Variants in LRRC3B observed in about 807,000 individuals in gnomAD.
LRRC3B encodes leucine-rich repeat-containing protein 3B.
A neutral mutation model predicts 12.8 loss-of-function variants in LRRC3B; 2 were observed. The observed-to-expected ratio is 0.16, with a 90% confidence interval of 0.06 to 0.49. The LOEUF (loss-of-function observed/expected upper bound fraction) is 0.49. Among genes scored for constraint, LRRC3B ranks in the 20% least tolerant of loss-of-function variants. The pLI is 0.96. For missense variants in LRRC3B, 189 were observed against 319.4 expected (o/e 0.59, Z 3.11); for synonymous variants, 132 against 122.0 (o/e 1.08, Z -0.54).
At chr3:26,645,261 G>A (rs944471508) in intron 1 of LRRC3B, among the ~76,000 whole-genome samples, 3 of 152,130 alleles carry the variant, frequency 2.0e-5, no homozygotes, top group Admixed American at 2.0e-4. Flanking sequence ...AATTTTTTGA[G>A]CCTACTAAAG....
chr3:26,641,798 T>G (rs1322863738), intron 1 of LRRC3B, among the ~76,000 whole-genome samples: 1 of 152,124 alleles, frequency 6.6e-6, no homozygotes, highest in African/African-American at 2.4e-5. Context: ...TTTTAAAAAA[T>G]TAAAAAATGT....
intron 1 of LRRC3B, among the ~76,000 whole-genome samples, chr3:26,688,729 A>G (rs538723734): frequency 4.6e-5 from 7 of 151,924 alleles, no homozygotes; most frequent in Non-Finnish European, 1.0e-4. Flanking sequence ...TGTTCCAATC[A>G]CCTCCCACCA....
At chr3:26,688,982 A>G (rs1700139617) in intron 1 of LRRC3B, among the ~76,000 whole-genome samples, 1 of 152,208 alleles carries the variant, frequency 6.6e-6, no homozygotes, top group Non-Finnish European at 1.5e-5. Flanking sequence ...GAGAAGAATC[A>G]GCTTTTAACG....
At chr3:26,625,920 G>T (rs1458885847) in intron 1 of LRRC3B, among the ~76,000 whole-genome samples, 1 of 152,182 alleles carries the variant, frequency 6.6e-6, no homozygotes, top group Non-Finnish European at 1.5e-5. Flanking sequence ...CAAGTTATTT[G>T]CTTATTGACA....
chr3:26,699,991 A>G (rs1016154438), intron 1 of LRRC3B, among the ~76,000 whole-genome samples: 1 of 152,176 alleles, frequency 6.6e-6, no homozygotes, highest in Non-Finnish European at 1.5e-5. Flanking sequence ...ATTCATTGGT[A>G]GGAAGAACTT....
chr3:26,637,113 T>C, intron 1 of LRRC3B, among the ~76,000 whole-genome samples: 1 of 151,162 alleles, frequency 6.6e-6, no homozygotes, highest in East Asian at 2.0e-4. Flanking sequence ...CCTCCTGCCT[T>C]AGCCTCCAGA....
chr3:26,707,044 C>G (rs191940261), intron 1 of LRRC3B, among the ~76,000 whole-genome samples: 2 of 152,060 alleles, frequency 1.3e-5, no homozygotes, highest in Admixed American at 6.6e-5. Context: ...TAAAAAGCAT[C>G]GAACTTTTAC....
At chr3:26,703,590 G>C (rs1405231695) in intron 1 of LRRC3B, among the ~76,000 whole-genome samples, 1 of 151,896 alleles carries the variant, frequency 6.6e-6, no homozygotes, top group Non-Finnish European at 1.5e-5. Flanking sequence ...CGTGTTCTTT[G>C]GTTGGTCCTA....
intron 1 of LRRC3B, among the ~76,000 whole-genome samples, chr3:26,671,865 C>G (rs371414219): frequency 6.6e-6 from 1 of 152,126 alleles, no homozygotes; most frequent in Non-Finnish European, 1.5e-5. Flanking sequence ...CATTTGCAAA[C>G]TTGAGGTTGC....
chr3:26,651,520 ATTTAC>A (rs1157619425), intron 1 of LRRC3B, among the ~76,000 whole-genome samples: 1 of 152,148 alleles, frequency 6.6e-6, no homozygotes, highest in Non-Finnish European at 1.5e-5. Context: ...TGGTCAGAAA[ATTTAC>A]TTTATCAATG....
exon 1 of LRRC3B, chr3:26,622,925 G>A (rs1353245225): frequency 1.3e-5 from 2 of 152,050 alleles, no homozygotes; most frequent in African/African-American, 4.8e-5. Context: ...CCGCAGCAAC[G>A]CGAGCCAAGT....
chr3:26,699,506 C>G (rs1267847891), intron 1 of LRRC3B, among the ~76,000 whole-genome samples: 1 of 152,054 alleles, frequency 6.6e-6, no homozygotes, highest in African/African-American at 2.4e-5. Context: ...GGATCTCAAT[C>G]CTGTGTTTTT....
intron 1 of LRRC3B, among the ~76,000 whole-genome samples, chr3:26,680,239 AC>A (rs1240923070): frequency 1.5e-4 from 22 of 151,710 alleles, no homozygotes; most frequent in Admixed American, 1.4e-3. Context: ...CCACCTCTCC[AC>A]CCCCACTTCC....
In LRRC3B at chr3:26,658,813, C is replaced by T. The variant is rs180915605; in HGVS notation, c.-161+35576C>T. Among the ~76,000 whole-genome samples, 36 of 152,338 alleles carry T rather than the reference C, an allele frequency of 2.4e-4. No homozygotes were observed. In the East Asian group the frequency reaches 6.4e-3, roughly 27 times the overall value. On this transcript the variant is annotated intron_variant, in intron 1 of 1. Transcript: ENST00000396641. ...GGCAGCTTCAAGTCTAAGATTGCATCTACACTGACAATAAACAAGGAAATA... is the reference window on the plus strand; with the variant it reads ...GGCAGCTTCAAGTCTAAGATTGCATTTACACTGACAATAAACAAGGAAATA...
intron 1 of LRRC3B, among the ~76,000 whole-genome samples, chr3:26,662,171 T>A (rs1396519225): frequency 6.6e-6 from 1 of 152,214 alleles, no homozygotes; most frequent in African/African-American, 2.4e-5. Context: ...TTTTTCTGGC[T>A]ATTAATGCTA....
intron 1 of LRRC3B, among the ~76,000 whole-genome samples, chr3:26,642,300 G>T (rs954919679): frequency 1.3e-5 from 2 of 152,198 alleles, no homozygotes; most frequent in Admixed American, 1.3e-4. Flanking sequence ...ACTTCCTGGA[G>T]TCCCTGGACC....
intron 1 of LRRC3B, among the ~76,000 whole-genome samples, chr3:26,699,017 CTG>C: frequency 1.3e-5 from 2 of 151,918 alleles, no homozygotes. Flanking sequence ...GTTCTAAAGC[CTG>C]TGTTTTATTG....
rs187497813 is a variant in LRRC3B, at chr3:26,657,264, G to A, written c.-161+34027G>A. 2.8e-3 allele frequency among the ~76,000 whole-genome samples: 433 copies of A among 152,170 alleles called. 6 individuals carry two copies. The highest frequency in any genetic ancestry group is 6.8e-3 in the Middle Eastern group (2 of 294). The stretch of plus-strand genomic sequence containing the variant: ...TGAAATAGATGCTCACTCTCAACAC[G>A]CACCTTTAATGCCTATAAACTCTAT... On this transcript the variant is annotated intron_variant, in intron 1 of 1. Coordinates refer to ENST00000396641, the Ensembl canonical transcript of LRRC3B.
intron 1 of LRRC3B, among the ~76,000 whole-genome samples, chr3:26,649,711 G>T (rs1426451136): frequency 1.5e-4 from 23 of 151,826 alleles, no homozygotes; most frequent in Admixed American, 1.4e-3. Context: ...CTTTAATTTG[G>T]TTACTTCCTT....
Sources: allele counts gnomAD v4.1 joint callset (sites outside exome capture counted in the v4.1 genomes callset), GRCh38; gene constraint gnomAD v4.1.1; transcripts MANE v1.5; gene names NCBI Gene and HGNC (gene_info 2026-07-23, HGNC 2026-07-21).